The following GIGYF2 variants were observed in gnomAD, a reference collection of about 807,000 sequenced individuals.
GIGYF2 encodes GRB10 interacting GYF protein 2.
GIGYF2 carries 25 observed loss-of-function variants against 208.1 expected under a neutral mutation model. The observed-to-expected ratio is 0.12, with a 90% CI of 0.09 to 0.17. GIGYF2 has a LOEUF of 0.17. GIGYF2 is among the 10% of genes least tolerant of loss of function. GIGYF2 has a pLI of 1.00. For synonymous variants in GIGYF2, 534 were observed against 543.8 expected (o/e 0.98, Z 0.25); for missense variants, 1,302 against 1,579.4 (o/e 0.82, Z 2.98).
chr2:232,795,499 C>T (rs1042776296), intron 13 of GIGYF2, among the ~76,000 whole-genome samples: 1 of 152,082 alleles, frequency 6.6e-6, no homozygotes, highest in African/African-American at 2.4e-5. Flanking sequence ...ACTTGTAAAA[C>T]GTTTCATTTA....
intron 8 of GIGYF2, among the ~76,000 whole-genome samples, chr2:232,781,395 A>T (rs1243204201): frequency 7.5e-6 from 1 of 134,040 alleles, no homozygotes; most frequent in African/African-American, 2.8e-5. Context: ...TAAATCTGTA[A>T]TCAATTTGGT....
intron 8 of GIGYF2, among the ~76,000 whole-genome samples, chr2:232,786,088 T>TA (rs1699899077): frequency 6.6e-6 from 1 of 152,250 alleles, no homozygotes; most frequent in East Asian, 1.9e-4. Context: ...AATACCAGTT[T>TA]AGTTTACTTG....
chr2:232,837,915 A>G (rs1257245790), intron 22 of GIGYF2, among the ~76,000 whole-genome samples: 1 of 152,226 alleles, frequency 6.6e-6, no homozygotes, highest in East Asian at 1.9e-4. Flanking sequence ...GCGCAGAACA[A>G]GAAGAGTATA....
chr2:232,718,202 G>C (rs555917249), intron 2 of GIGYF2, among the ~76,000 whole-genome samples: 80 of 152,064 alleles, frequency 5.3e-4, no homozygotes, highest in African/African-American at 1.8e-3. Flanking sequence ...GGTTCAAGCT[G>C]TTCTCCTGTC....
intron 5 of GIGYF2, among the ~76,000 whole-genome samples, chr2:232,749,543 A>G (rs904613843): frequency 6.6e-6 from 1 of 152,014 alleles, no homozygotes; most frequent in Non-Finnish European, 1.5e-5. Context: ...GAGTGATGTG[A>G]GAAAGTAAAA....
chr2:232,726,606 A>G (rs1381676204), intron 2 of GIGYF2, among the ~76,000 whole-genome samples: 1 of 151,972 alleles, frequency 6.6e-6, no homozygotes, highest in Non-Finnish European at 1.5e-5. Flanking sequence ...AATAAATAAG[A>G]GAGTTTTTTG....
intron 6 of GIGYF2, among the ~76,000 whole-genome samples, chr2:232,759,197 G>T (rs1027788413): frequency 6.6e-6 from 1 of 152,082 alleles, no homozygotes; most frequent in Admixed American, 6.6e-5. Context: ...TAGAAATACT[G>T]CATGGATATT....
chr2:232,708,553 T>C (rs976718849), intron 2 of GIGYF2, among the ~76,000 whole-genome samples: 1 of 152,014 alleles, frequency 6.6e-6, no homozygotes, highest in Non-Finnish European at 1.5e-5. Context: ...TTTTGTCACT[T>C]GGCCAGGTGC....
chr2:232,847,215 C>A, intron 26 of GIGYF2, 133 bp from the exon 27 acceptor site: 1 of 861,110 alleles, frequency 1.2e-6, no homozygotes, highest in Non-Finnish European at 2.0e-6. Flanking sequence ...AACACAATTG[C>A]TGCATACTTA....
intron 3 of GIGYF2, among the ~76,000 whole-genome samples, chr2:232,745,674 T>C (rs906602676): frequency 1.3e-5 from 2 of 152,168 alleles, no homozygotes; most frequent in Non-Finnish European, 2.9e-5. Flanking sequence ...GCAGAAGTAT[T>C]CCAGCTAATA....
chr2:232,757,810 A>G (rs1002597094), intron 6 of GIGYF2, among the ~76,000 whole-genome samples: 1 of 136,492 alleles, frequency 7.3e-6, no homozygotes, highest in South Asian at 2.6e-4. Context: ...AAACAAGTGA[A>G]TGATTGAATT....
chr2:232,758,766 G>A (rs552379341), intron 6 of GIGYF2, among the ~76,000 whole-genome samples: 1 of 152,242 alleles, frequency 6.6e-6, no homozygotes, highest in East Asian at 1.9e-4. Flanking sequence ...TTTCTTCAAG[G>A]TGATACAAGT....
chr2:232,851,995 G>GA (rs1396908356), intron 28 of GIGYF2, among the ~76,000 whole-genome samples: 1 of 152,172 alleles, frequency 6.6e-6, no homozygotes, highest in Non-Finnish European at 1.5e-5. Flanking sequence ...TGGGGACCAG[G>GA]ATGGATGGAT....
intron 2 of GIGYF2, among the ~76,000 whole-genome samples, chr2:232,725,521 C>T (rs114771405): frequency 0.011 from 1,698 of 152,244 alleles, 9 homozygotes; most frequent in Middle Eastern, 0.027. Flanking sequence ...CAAAATTGGG[C>T]CAAAGAATCT....
At chr2:232,725,071 T>G (rs984544681) in intron 2 of GIGYF2, among the ~76,000 whole-genome samples, 5 of 152,242 alleles carry the variant, frequency 3.3e-5, no homozygotes, top group Admixed American at 1.3e-4. Flanking sequence ...TCTTGAACAC[T>G]TAATATGTTG....
intron 3 of GIGYF2, among the ~76,000 whole-genome samples, chr2:232,745,718 C>A (rs564789376): frequency 7.0e-4 from 107 of 152,238 alleles, no homozygotes; most frequent in African/African-American, 2.5e-3. Flanking sequence ...TAATCACTTA[C>A]AACCTTAGTG....
At chr2:232,847,649 TA>T in intron 27 of GIGYF2, 78 bp downstream of exon 27, 3 of 1,572,640 alleles carry the variant, frequency 1.9e-6, no homozygotes, top group Non-Finnish European at 2.6e-6. Flanking sequence ...AAATGAAAAT[TA>T]ATACAAAGGT....
chr2:232,739,937 TAA>T (rs34661108), intron 3 of GIGYF2, among the ~76,000 whole-genome samples: 103 of 111,614 alleles, frequency 9.2e-4, no homozygotes, highest in Middle Eastern at 5.1e-3. Flanking sequence ...CCATCTCTGC[TAA>T]AAAAAAAAAA....
chr2:232,851,776 T>C (rs1164516461), intron 28 of GIGYF2, among the ~76,000 whole-genome samples: 4 of 152,186 alleles, frequency 2.6e-5, no homozygotes, highest in Non-Finnish European at 5.9e-5. Flanking sequence ...CCATGTTGTC[T>C]GCAATAGAAT....
Sources: gnomAD v4.1 joint callset for allele counts (sites outside exome capture counted in the v4.1 genomes callset) on GRCh38, gnomAD v4.1.1 for gene constraint, MANE v1.5 for transcripts, NCBI Gene and HGNC (gene_info 2026-07-23, HGNC 2026-07-21) for gene names.